Variants in USP47 observed in about 807,000 individuals in gnomAD.
USP47 encodes the protein ubiquitin carboxyl-terminal hydrolase 47.
USP47 carries 35 observed loss-of-function variants against 165.1 expected under a neutral mutation model. The observed-to-expected ratio is 0.21, with a 90% confidence interval of 0.16 to 0.28. The LOEUF is 0.28. USP47 is among the 10% of genes least tolerant of loss of function. The pLI, the probability that USP47 is intolerant of heterozygous loss-of-function variation, is 1.00. For synonymous variants in USP47, 531 were observed against 544.5 expected (o/e 0.98, Z 0.35); for missense variants, 1,277 against 1,607.4 (o/e 0.79, Z 3.52).
At position 11,925,645 on chromosome 11, in the gene USP47, T is replaced by A. The variant is rs143559778; in HGVS notation, c.1386+2754T>A. Among the ~76,000 whole-genome samples, 789 of 152,050 alleles carry A rather than the reference T, an allele frequency of 5.2e-3. 9 individuals carry two copies. Among genetic ancestry groups the A allele is most frequent in the African/African-American group, 0.018 (749 of 41,514 alleles). On this transcript the variant is annotated intron_variant, in intron 11 of 27. Transcript: ENST00000527733. The stretch of plus-strand genomic sequence containing the variant: ...ATTTACTTGTTAGGGTTTTTTTTTT[T>A]ATGCGGAATCTTTATTTTCTACATA...
At chr11:11,949,803 G>A in intron 22 of USP47, 86 bp from the exon 23 acceptor site, 1 of 896,134 alleles carries the variant, frequency 1.1e-6, no homozygotes, top group Non-Finnish European at 1.7e-6. Flanking sequence ...CAAATAAAAT[G>A]TTTTGGTAAT....
intron 1 of USP47, among the ~76,000 whole-genome samples, chr11:11,859,976 C>T (rs1849281322): frequency 6.6e-6 from 1 of 151,532 alleles, no homozygotes; most frequent in African/African-American, 2.4e-5. Flanking sequence ...TGGTAGCACA[C>T]GCCTGTAGTT....
At chr11:11,861,485 A>C (rs1209922000) in intron 1 of USP47, among the ~76,000 whole-genome samples, 1 of 152,200 alleles carries the variant, frequency 6.6e-6, no homozygotes, top group Non-Finnish European at 1.5e-5. Context: ...AATCATAGTT[A>C]AATGGATTGT....
chr11:11,846,254 C>T lies in USP47; in HGVS notation c.39+4030C>T, dbSNP rs1052994521. 3.3e-5 allele frequency among the ~76,000 whole-genome samples: 5 copies of T among 152,006 alleles called. No homozygotes were observed. In the East Asian group the frequency reaches 5.8e-4, roughly 18 times the overall value. On this transcript the variant is annotated intron_variant, in intron 1 of 27. Coordinates refer to ENST00000527733, the MANE Select transcript of USP47 (RefSeq NM_001282659.2). ...GGTTGCTATTTTGTTATTCTGTTTT[C>T]TTATAAGGATGTGTGTCATTAATAT...
intron 18 of USP47, among the ~76,000 whole-genome samples, chr11:11,938,812 T>C (rs1855265517): frequency 6.6e-6 from 1 of 151,908 alleles, no homozygotes; most frequent in African/African-American, 2.4e-5. Flanking sequence ...GAGGAAGCTG[T>C]TGAAATAATT....
chr11:11,907,679 G>T (rs761578568), intron 8 of USP47, among the ~76,000 whole-genome samples: 12 of 152,150 alleles, frequency 7.9e-5, no homozygotes, highest in Middle Eastern at 3.2e-3. Flanking sequence ...CTGGTTAAAA[G>T]AGGTACCATA....
intron 8 of USP47, among the ~76,000 whole-genome samples, chr11:11,915,637 C>T (rs930661963): frequency 3.3e-5 from 5 of 151,648 alleles, no homozygotes; most frequent in Non-Finnish European, 5.9e-5. Context: ...TTATTTCTTA[C>T]GATTGCATAT....
At chr11:11,925,264 C>G (rs1407186246) in intron 11 of USP47, among the ~76,000 whole-genome samples, 3 of 151,938 alleles carry the variant, frequency 2.0e-5, no homozygotes, top group African/African-American at 7.3e-5. Context: ...CCGGCCACCA[C>G]GCCCAGCTAA....
At chr11:11,872,110 A>G (rs1183997157) in intron 1 of USP47, among the ~76,000 whole-genome samples, 1 of 152,156 alleles carries the variant, frequency 6.6e-6, no homozygotes, top group African/African-American at 2.4e-5. Context: ...CTGCTCTGCT[A>G]GGCATCAGCT....
At chr11:11,916,010 T>C (rs1820770125) in intron 8 of USP47, among the ~76,000 whole-genome samples, 1 of 152,228 alleles carries the variant, frequency 6.6e-6, no homozygotes, top group African/African-American at 2.4e-5. Flanking sequence ...GCAATACCAT[T>C]CCTTGCATAT....
chr11:11,954,977 G>C (rs369301163), intron 26 of USP47, 33 bp downstream of exon 26: 2 of 1,613,546 alleles, frequency 1.2e-6, no homozygotes, highest in African/African-American at 1.3e-5. Flanking sequence ...TCTGTGTATT[G>C]TGCATGATAA....
rs74808151 is a variant in USP47, at chr11:11,864,527, T to G, written c.40-15650T>G. ...TGAAACCATGTACCTATTAAATAACTCGCCATTCCTCTCTGCCCCTAACCT... is the reference window on the plus strand; with the variant it reads ...TGAAACCATGTACCTATTAAATAACGCGCCATTCCTCTCTGCCCCTAACCT... On this transcript the variant is annotated intron_variant, in intron 1 of 27. Transcript: ENST00000527733. Among the ~76,000 whole-genome samples, 536 of 151,994 alleles carry G rather than the reference T, an allele frequency of 3.5e-3. 3 individuals are homozygous for G. Among genetic ancestry groups the G allele is most frequent in the Non-Finnish European group, 4.9e-3 (335 of 67,912 alleles).
At chr11:11,871,849 T>G (rs1346305705) in intron 1 of USP47, among the ~76,000 whole-genome samples, 1 of 152,182 alleles carries the variant, frequency 6.6e-6, no homozygotes, top group Non-Finnish European at 1.5e-5. Context: ...GTGGCTTACC[T>G]TTTTTGTTTC....
chr11:11,918,771 A>G (rs1033268576), intron 8 of USP47, among the ~76,000 whole-genome samples: 1 of 151,968 alleles, frequency 6.6e-6, no homozygotes, highest in Admixed American at 6.6e-5. Flanking sequence ...TTTGAGTTAC[A>G]TAATTATCTC....
At chr11:11,913,781 A>G (rs959819908) in intron 8 of USP47, among the ~76,000 whole-genome samples, 1 of 152,130 alleles carries the variant, frequency 6.6e-6, no homozygotes, top group South Asian at 2.1e-4. Context: ...AATGTTCCCA[A>G]TACAAAGAAA....
chr11:11,930,334 A>C (rs977298983), intron 13 of USP47, among the ~76,000 whole-genome samples: 1 of 152,192 alleles, frequency 6.6e-6, no homozygotes, highest in South Asian at 2.1e-4. Context: ...ATAATAACAT[A>C]GTTGAGTAGT....
chr11:11,945,940 C>CAA (rs1415442069), intron 20 of USP47, among the ~76,000 whole-genome samples: 3 of 128,328 alleles, frequency 2.3e-5, no homozygotes, highest in African/African-American at 8.6e-5. Context: ...GTCCCCCCCC[C>CAA]AAAAAAAAAA....
intron 3 of USP47, among the ~76,000 whole-genome samples, chr11:11,890,201 T>C (rs540194930): frequency 1.8e-4 from 27 of 152,068 alleles, no homozygotes; most frequent in Admixed American, 1.5e-3. Context: ...AATTGACAAA[T>C]GGATCTAATT....
intron 20 of USP47, among the ~76,000 whole-genome samples, chr11:11,945,763 C>T (rs1855780828): frequency 6.6e-6 from 1 of 151,702 alleles, no homozygotes. Flanking sequence ...AGTAAGACCC[C>T]ATCTCTACAA....
Sources: allele counts gnomAD v4.1 joint callset (sites outside exome capture counted in the v4.1 genomes callset), GRCh38; gene constraint gnomAD v4.1.1; transcripts MANE v1.5; gene names NCBI Gene and HGNC (gene_info 2026-07-23, HGNC 2026-07-21).